DOCK2: variants seen among roughly 807,000 people sequenced by gnomAD.
DOCK2 encodes dedicator of cytokinesis 2, also known as dedicator of cytokinesis protein 2.
DOCK2 carries 87 observed loss-of-function variants against 248.9 expected under a neutral mutation model. The ratio of observed to expected loss-of-function variants is 0.35; its 90% CI spans 0.29 to 0.42. The LOEUF (loss-of-function observed/expected upper bound fraction) is 0.42. Ranked by LOEUF, DOCK2 falls within the 10% of genes least tolerant of loss-of-function variation. The probability of loss-of-function intolerance (pLI) is 1.00; values close to 1 mark genes in which losing one functional copy is unlikely to be tolerated. For synonymous variants in DOCK2, 805 were observed against 821.6 expected, an observed-to-expected ratio of 0.98 and a Z score of 0.35; for missense variants, 1,747 against 2,300.2, an observed-to-expected ratio of 0.76 and a Z score of 4.92.
rs531228672 is a variant in DOCK2, at chr5:169,784,156, A to G, written c.2555-18902A>G. Among the ~76,000 whole-genome samples, 377 of 152,246 alleles carry G rather than the reference A, an allele frequency of 2.5e-3. 2 individuals carry two copies. The highest frequency in any genetic ancestry group is 0.017 in the Middle Eastern group (5 of 294). ...TTTTTTTTCTCAACACAACAGTTTCAAAATGCTCTTTTGCTCCCCAAATAG... is the reference window on the plus strand; with the variant it reads ...TTTTTTTTCTCAACACAACAGTTTCGAAATGCTCTTTTGCTCCCCAAATAG... On this transcript the variant is annotated intron_variant, in intron 25 of 51. Coordinates refer to ENST00000520908, the MANE Select transcript of DOCK2 (RefSeq NM_004946.3).
At chr5:169,895,164 C>T (rs1018807259) in intron 27 of DOCK2, among the ~76,000 whole-genome samples, 1 of 152,190 alleles carries the variant, frequency 6.6e-6, no homozygotes, top group South Asian at 2.1e-4. Flanking sequence ...ACCTGATGGG[C>T]TCACGGTGTT....
chr5:170,080,471 C>A, intron 50 of DOCK2, 188 bp downstream of exon 50: 1 of 856,830 alleles, frequency 1.2e-6, no homozygotes, highest in Non-Finnish European at 1.7e-6. Flanking sequence ...GGGGGTGACA[C>A]CATCCCAGCA....
chr5:169,813,257 T>C (rs768591542), intron 26 of DOCK2, among the ~76,000 whole-genome samples: 3 of 152,190 alleles, frequency 2.0e-5, no homozygotes, highest in Non-Finnish European at 4.4e-5. Flanking sequence ...TATTAAAATC[T>C]AAGGTAATAA....
At chr5:170,062,835 A>G (rs772949994) in intron 44 of DOCK2, among the ~76,000 whole-genome samples, 4 of 152,108 alleles carry the variant, frequency 2.6e-5, no homozygotes, top group Non-Finnish European at 5.9e-5. Context: ...GAAGGCATTT[A>G]TGGCACACTC....
intron 26 of DOCK2, among the ~76,000 whole-genome samples, chr5:169,835,056 G>C (rs1464687693): frequency 6.6e-6 from 1 of 151,928 alleles, no homozygotes; most frequent in African/African-American, 2.4e-5. Context: ...TTGGTGGGGG[G>C]GTGGCATGAA....
chr5:169,694,431 T>C (rs1760489048), intron 9 of DOCK2, among the ~76,000 whole-genome samples: 1 of 152,166 alleles, frequency 6.6e-6, no homozygotes, highest in Non-Finnish European at 1.5e-5. Flanking sequence ...GCCTTTCTGA[T>C]GGCAAGGGAG....
At chr5:169,943,079 C>A (rs563739577) in intron 27 of DOCK2, among the ~76,000 whole-genome samples, 2 of 152,174 alleles carry the variant, frequency 1.3e-5, no homozygotes, top group East Asian at 3.9e-4. Flanking sequence ...GTCTTTGGAA[C>A]GCTCTGCAGC....
chr5:169,729,145 A>G (rs1307984006), intron 22 of DOCK2, among the ~76,000 whole-genome samples: 1 of 152,074 alleles, frequency 6.6e-6, no homozygotes, highest in Non-Finnish European at 1.5e-5. Context: ...TAGAAACTGC[A>G]TTTGCAAATC....
intron 23 of DOCK2, among the ~76,000 whole-genome samples, chr5:169,750,830 G>A (rs1236582565): frequency 2.0e-5 from 3 of 152,232 alleles, no homozygotes; most frequent in Non-Finnish European, 4.4e-5. Context: ...AATATGGAGA[G>A]CAGTACCATA....
At chr5:169,898,029 C>T (rs1773711866) in intron 27 of DOCK2, among the ~76,000 whole-genome samples, 1 of 152,306 alleles carries the variant, frequency 6.6e-6, no homozygotes, top group South Asian at 2.1e-4. Flanking sequence ...GGAAATAATT[C>T]GGCTGAGCAA....
At chr5:169,975,677 C>G (rs1255856629) in intron 27 of DOCK2, among the ~76,000 whole-genome samples, 1 of 152,214 alleles carries the variant, frequency 6.6e-6, no homozygotes, top group Non-Finnish European at 1.5e-5. Context: ...GAAAATAGGG[C>G]AGATACTCCA....
At chr5:169,824,478 A>G (rs1217416663) in intron 26 of DOCK2, among the ~76,000 whole-genome samples, 1 of 152,214 alleles carries the variant, frequency 6.6e-6, no homozygotes, top group African/African-American at 2.4e-5. Flanking sequence ...ACACATCTAC[A>G]ACTATCTGAT....
At chr5:169,718,373 C>T (rs959916626) in intron 21 of DOCK2, among the ~76,000 whole-genome samples, 1 of 152,134 alleles carries the variant, frequency 6.6e-6, no homozygotes, top group Non-Finnish European at 1.5e-5. Context: ...CATTATTCCC[C>T]ATTATTCCCA....
intron 28 of DOCK2, among the ~76,000 whole-genome samples, chr5:169,984,492 C>T (rs942153745): frequency 2.0e-5 from 3 of 152,114 alleles, no homozygotes; most frequent in Admixed American, 1.3e-4. Flanking sequence ...ATTCTGCTGA[C>T]GTGGAAACTA....
intron 25 of DOCK2, among the ~76,000 whole-genome samples, chr5:169,800,010 G>T (rs184715457): frequency 2.6e-5 from 4 of 152,144 alleles, no homozygotes; most frequent in African/African-American, 9.6e-5. Flanking sequence ...TTCCTATGTT[G>T]CCCAGGCTGG....
intron 30 of DOCK2, among the ~76,000 whole-genome samples, chr5:170,005,758 GAA>G (rs929503491): frequency 1.3e-5 from 2 of 151,888 alleles, no homozygotes; most frequent in Admixed American, 1.3e-4. Context: ...TTAAAAAAAA[GAA>G]AATCAGGAAT....
intron 22 of DOCK2, among the ~76,000 whole-genome samples, chr5:169,723,063 G>A (rs61481749): frequency 0.053 from 8,101 of 152,194 alleles, 349 homozygotes; most frequent in African/African-American, 0.12. Context: ...TGTGGTGCCC[G>A]GGTCTCTGGC....
chr5:169,786,258 G>T (rs1397235645), intron 25 of DOCK2, among the ~76,000 whole-genome samples: 3 of 152,082 alleles, frequency 2.0e-5, no homozygotes, highest in Non-Finnish European at 4.4e-5. Context: ...TCTTGGCAGG[G>T]GCTGCATGTG....
At chr5:169,803,523 A>G (rs1453078318) in intron 26 of DOCK2, among the ~76,000 whole-genome samples, 1 of 152,178 alleles carries the variant, frequency 6.6e-6, no homozygotes, top group African/African-American at 2.4e-5. Context: ...GGGTGGGAGG[A>G]GGAGTTTCCT....
Sources: allele counts gnomAD v4.1 joint callset (sites outside exome capture counted in the v4.1 genomes callset), GRCh38; gene constraint gnomAD v4.1.1; transcripts MANE v1.5; gene names NCBI Gene and HGNC (gene_info 2026-07-23, HGNC 2026-07-21).